FMN1: variants seen among roughly 807,000 people sequenced by gnomAD.
FMN1 encodes formin-1.
A neutral mutation model predicts 132.4 loss-of-function variants in FMN1; 110 were observed. The observed-to-expected ratio is 0.83, with a 90% CI of 0.71 to 0.97. The LOEUF (loss-of-function observed/expected upper bound fraction) is 0.97. Among genes scored for constraint, FMN1 ranks in the 50% least tolerant of loss-of-function variants. The pLI is 0.00. For synonymous variants in FMN1, 722 were observed against 651.7 expected (o/e 1.11, Z -1.64); for missense variants, 1,792 against 1,705.3 (o/e 1.05, Z -0.90).
chr15:33,139,821 C>T (rs1357469914), intron 4 of FMN1, among the ~76,000 whole-genome samples: 1 of 152,038 alleles, frequency 6.6e-6, no homozygotes, highest in African/African-American at 2.4e-5. Flanking sequence ...AGACACAGAG[C>T]CAAGGGATCC....
intron 4 of FMN1, among the ~76,000 whole-genome samples, chr15:33,104,032 T>C (rs1320536643): frequency 6.6e-6 from 1 of 152,122 alleles, no homozygotes; most frequent in African/African-American, 2.4e-5. Flanking sequence ...AGGAAGGAAC[T>C]GATCCTTAAA....
intron 6 of FMN1, among the ~76,000 whole-genome samples, chr15:33,040,125 A>G (rs1005901173): frequency 6.6e-6 from 1 of 152,180 alleles, no homozygotes; most frequent in South Asian, 2.1e-4. Flanking sequence ...TCTCATGTAT[A>G]TCATTCATAA....
intron 9 of FMN1, among the ~76,000 whole-genome samples, chr15:32,959,619 A>G (rs2030273764): frequency 6.6e-6 from 1 of 152,248 alleles, no homozygotes; most frequent in Admixed American, 6.5e-5. Flanking sequence ...CACCCTGTTC[A>G]GAAAACTTAA....
chr15:32,994,700 G>C (rs1035681962), intron 7 of FMN1, among the ~76,000 whole-genome samples: 1 of 152,174 alleles, frequency 6.6e-6, no homozygotes, highest in African/African-American at 2.4e-5. Context: ...GATTGAGAAA[G>C]ACCTCTATTT....
At chr15:32,893,971 C>T (rs958808023) in intron 15 of FMN1, among the ~76,000 whole-genome samples, 12 of 152,168 alleles carry the variant, frequency 7.9e-5, no homozygotes, top group Non-Finnish European at 1.6e-4. Flanking sequence ...ATTCTTCTGC[C>T]ACACTAGTAC....
At chr15:33,034,786 T>C (rs181545549) in intron 6 of FMN1, among the ~76,000 whole-genome samples, 89 of 152,272 alleles carry the variant, frequency 5.8e-4, no homozygotes, top group African/African-American at 2.1e-3. Flanking sequence ...ATTGCTTTCC[T>C]GGGCCTACTT....
chr15:33,079,959 T>G (rs772153473), intron 5 of FMN1, among the ~76,000 whole-genome samples: 2 of 152,240 alleles, frequency 1.3e-5, no homozygotes, highest in South Asian at 4.1e-4. Context: ...TGATCACTTA[T>G]AAGCAACAGA....
At chr15:32,886,377 C>A (rs919407234) in intron 16 of FMN1, among the ~76,000 whole-genome samples, 5 of 152,164 alleles carry the variant, frequency 3.3e-5, no homozygotes, top group Admixed American at 3.3e-4. Context: ...GGCCGCTCTA[C>A]CTGCTTCAAA....
At position 32,969,139 on chromosome 15, in the gene FMN1, G is replaced by T; in HGVS notation, c.2562C>A (p.Leu854=). Residue 854 remains leucine (L), a synonymous_variant, in exon 8 of 21, where the codon CTC becomes CTA. Coordinates refer to ENST00000616417, the MANE Select transcript of FMN1 (RefSeq NM_001277313.2). ...PNDHKDIHAA[L]QPMEGMASNQ... ...TTGATGCCATGCCCTCCATTGGCTG[G>T]AGTGCTGCATGGATGTCTTTGTGGT... 6.2e-7 allele frequency: 1 copy of T among 1,613,910 alleles called. No individual in the cohort carries two copies. Among genetic ancestry groups the T allele is most frequent in the East Asian group, 2.2e-5 (1 of 44,878 alleles).
At chr15:32,775,561 A>G (rs926405740) in intron 20 of FMN1, among the ~76,000 whole-genome samples, 1 of 152,204 alleles carries the variant, frequency 6.6e-6, no homozygotes, top group South Asian at 2.1e-4. Context: ...ACTGCCACTG[A>G]AAGTCATACA....
Position 33,064,739 on chromosome 15 carries a change from C to A in FMN1, c.2161+218G>T. On this transcript the variant is annotated intron_variant, in intron 6 of 20. Transcript: ENST00000616417. ...TTCTCCTACTTCACACACATTCCCC[C>A]TTTCATTCATTCCACTGCATTCATC... 2 of 369,134 alleles carry A rather than the reference C, an allele frequency of 5.4e-6. 1 individual carries two copies. The highest frequency in any genetic ancestry group is 9.8e-6 in the Non-Finnish European group (2 of 203,446). 22.9% of individuals were successfully genotyped at this position (369,134 alleles called of 1,614,324 possible).
chr15:32,823,226 A>G (rs2058277442), intron 17 of FMN1, among the ~76,000 whole-genome samples: 1 of 140,492 alleles, frequency 7.1e-6, no homozygotes, highest in Non-Finnish European at 1.5e-5. Flanking sequence ...CAGTGGCTCA[A>G]TCTCGGCTCA....
At chr15:33,046,350 G>A (rs995435355) in intron 6 of FMN1, among the ~76,000 whole-genome samples, 6 of 152,116 alleles carry the variant, frequency 3.9e-5, no homozygotes, top group African/African-American at 1.4e-4. Flanking sequence ...GAAAATGAGG[G>A]TTCCCAAATT....
intron 10 of FMN1, among the ~76,000 whole-genome samples, chr15:32,912,033 A>G (rs1024320066): frequency 3.3e-5 from 5 of 152,230 alleles, no homozygotes; most frequent in African/African-American, 1.2e-4. Context: ...TTCTCTCACA[A>G]AAATCAACCA....
intron 3 of FMN1, among the ~76,000 whole-genome samples, chr15:33,156,163 A>G (rs1342760595): frequency 6.6e-6 from 1 of 152,202 alleles, no homozygotes; most frequent in Non-Finnish European, 1.5e-5. Flanking sequence ...AGAGAGTGAT[A>G]AAATGACAGT....
intron 9 of FMN1, 38 bp downstream of exon 9, chr15:32,964,069 T>C: frequency 6.6e-7 from 1 of 1,505,848 alleles, no homozygotes; most frequent in Non-Finnish European, 9.2e-7. Flanking sequence ...TTTCCCTGTA[T>C]AATATATAAT....
At position 33,119,919 on chromosome 15, in the gene FMN1, T is replaced by G. The variant is rs140367382; in HGVS notation, c.1868-30945A>C. Among the ~76,000 whole-genome samples, 86 of 152,354 alleles carry G rather than the reference T, an allele frequency of 5.6e-4. 1 individual carries two copies. Among genetic ancestry groups the G allele is most frequent in the African/African-American group, 2.0e-3 (83 of 41,588 alleles). ...TCTTAATGAGACTTTGTGTTTATAT[T>G]GTGTCTTCTATCTAAAGAGCTCAAA... On this transcript the variant is annotated intron_variant, in intron 4 of 20. Transcript: ENST00000616417.
intron 5 of FMN1, among the ~76,000 whole-genome samples, chr15:33,082,091 CAATGTG>C (rs1336716460): frequency 2.6e-5 from 2 of 76,060 alleles, no homozygotes; most frequent in African/African-American, 1.4e-4. Flanking sequence ...GGCTGGAAAA[CAATGTG>C]TGTGTGTGTG....
chr15:32,891,894 G>A (rs1360489864), intron 15 of FMN1, among the ~76,000 whole-genome samples: 1 of 152,016 alleles, frequency 6.6e-6, no homozygotes, highest in African/African-American at 2.4e-5. Context: ...ACTAATTTGT[G>A]TACATTAATC....
Sources: allele counts gnomAD v4.1 joint callset (sites outside exome capture counted in the v4.1 genomes callset), GRCh38; gene constraint gnomAD v4.1.1; transcripts MANE v1.5; gene names NCBI Gene and HGNC (gene_info 2026-07-23, HGNC 2026-07-21).